The following VWA8 variants were observed in gnomAD, a reference collection of about 807,000 sequenced individuals.
VWA8 encodes the protein von Willebrand factor A domain containing 8.
In VWA8, 221 loss-of-function variants were observed where a neutral mutation model predicts 241.5. The ratio of observed to expected loss-of-function variants is 0.91; its 90% CI spans 0.82 to 1.02. VWA8 has a LOEUF of 1.02. VWA8 is among the 50% of genes least tolerant of loss of function. The pLI is 0.00. For missense variants in VWA8, 2,322 were observed against 2,328.7 expected (o/e 1.00, Z 0.06); for synonymous variants, 852 against 827.1 (o/e 1.03, Z -0.52).
intron 37 of VWA8, among the ~76,000 whole-genome samples, chr13:41,654,540 C>T (rs183969959): frequency 8.5e-5 from 13 of 152,288 alleles, no homozygotes; most frequent in East Asian, 1.9e-4. Flanking sequence ...TTACATTCCT[C>T]GCATGCACAG....
At chr13:41,727,371 A>G in intron 23 of VWA8, 58 bp from the exon 24 acceptor site, 1 of 1,151,902 alleles carries the variant, frequency 8.7e-7, no homozygotes, top group South Asian at 1.7e-5. Flanking sequence ...AAAAATATCA[A>G]GCAACAATCT....
In VWA8 at chr13:41,570,521, A is replaced by C. The variant is rs2044293409; in HGVS notation, c.5556T>G (p.Pro1852=). 1 of 1,614,068 alleles carries C rather than the reference A, an allele frequency of 6.2e-7. No individual in the cohort carries two copies. The highest frequency in any genetic ancestry group is 1.7e-5 in the Admixed American group (1 of 60,006). Residue 1852 remains proline, a synonymous_variant, in exon 44 of 45, where the codon CCT becomes CCG. Transcript: ENST00000379310. ...AKFAQILTRD[P]QVNAFAIFIG... ...TAAAAATGGCAAAAGCATTTACTTG[A>C]GGGTCTCTTGTGAGGATTTGAGCAA... is the stretch of plus-strand genomic sequence containing the variant.
At chr13:41,722,995 AT>A (rs1418045998) in intron 24 of VWA8, among the ~76,000 whole-genome samples, 1 of 152,184 alleles carries the variant, frequency 6.6e-6, no homozygotes, top group African/African-American at 2.4e-5. Flanking sequence ...ATGGGAAGCC[AT>A]GGAGGATTTT....
chr13:41,788,995 GC>G (rs1379461098), intron 17 of VWA8, among the ~76,000 whole-genome samples: 1 of 152,154 alleles, frequency 6.6e-6, no homozygotes, highest in Non-Finnish European at 1.5e-5. Flanking sequence ...ATATTGGCAG[GC>G]ATTGCTTGCT....
chr13:41,631,429 G>A (rs2044726255), intron 37 of VWA8, among the ~76,000 whole-genome samples: 1 of 152,064 alleles, frequency 6.6e-6, no homozygotes, highest in African/African-American at 2.4e-5. Context: ...CAAGGTCTCA[G>A]CTCAGTTAGT....
At chr13:41,744,230 G>A (rs2045587992) in intron 21 of VWA8, among the ~76,000 whole-genome samples, 1 of 152,182 alleles carries the variant, frequency 6.6e-6, no homozygotes, top group African/African-American at 2.4e-5. Context: ...CTTCCTTACA[G>A]ATTTCACCTA....
At chr13:41,722,848 G>A (rs985068136) in intron 24 of VWA8, among the ~76,000 whole-genome samples, 12 of 152,154 alleles carry the variant, frequency 7.9e-5, no homozygotes, top group Non-Finnish European at 1.3e-4. Context: ...AGAGCAGAGT[G>A]GATGGAATAG....
chr13:41,750,083 G>A (rs777333415), intron 21 of VWA8, among the ~76,000 whole-genome samples: 10 of 151,876 alleles, frequency 6.6e-5, no homozygotes, highest in African/African-American at 1.9e-4. Context: ...TTCCTCTTAC[G>A]GATCTGGGCA....
chr13:41,650,418 G>A (rs545504747), intron 37 of VWA8, among the ~76,000 whole-genome samples: 8 of 152,276 alleles, frequency 5.3e-5, no homozygotes, highest in East Asian at 1.9e-4. Flanking sequence ...ACTAACAAGC[G>A]TAGAAACATG....
chr13:41,651,377 TA>T (rs912711320), intron 37 of VWA8, among the ~76,000 whole-genome samples: 4 of 152,166 alleles, frequency 2.6e-5, no homozygotes, highest in African/African-American at 9.7e-5. Flanking sequence ...AGATTCCATT[TA>T]AAAAAATTAT....
chr13:41,643,020 T>A (rs1322570715), intron 37 of VWA8, among the ~76,000 whole-genome samples: 1 of 152,206 alleles, frequency 6.6e-6, no homozygotes, highest in African/African-American at 2.4e-5. Flanking sequence ...TATTAAAAGT[T>A]AGCACATGAC....
chr13:41,607,380 T>G (rs1400388899), intron 39 of VWA8, among the ~76,000 whole-genome samples: 1 of 152,188 alleles, frequency 6.6e-6, no homozygotes, highest in Non-Finnish European at 1.5e-5. Context: ...AAAAGAAATA[T>G]GTGTATAGAA....
rs964511510 is a variant in VWA8 at position 41,700,465 on chromosome 13, T to C, written c.3364+927A>G. Among the ~76,000 whole-genome samples the C allele has an allele frequency of 2.6e-5, 4 of 152,168 alleles. No homozygotes were observed. The South Asian group carries it at 8.3e-4, about 31-fold the overall frequency. On this transcript the variant is annotated intron_variant, in intron 28 of 44. Coordinates refer to ENST00000379310, the MANE Select transcript of VWA8 (RefSeq NM_015058.2). ...TCAGATAGAACCACAGAATTTATAA[T>C]TTATGGATCTTTCATAATGCTTCCA... is the stretch of plus-strand genomic sequence containing the variant.
At chr13:41,690,654 A>G (rs1279904610) in intron 32 of VWA8, among the ~76,000 whole-genome samples, 2 of 152,142 alleles carry the variant, frequency 1.3e-5, no homozygotes, top group African/African-American at 2.4e-5. Context: ...AGATGCCCTC[A>G]CAACTGTAGT....
Position 41,570,694 on chromosome 13 carries a change from G to A in VWA8, c.5383C>T (p.His1795Tyr). 1.9e-6 allele frequency: 3 copies of A among 1,612,764 alleles called. No individual in the cohort carries two copies. Among genetic ancestry groups the A allele is most frequent in the Non-Finnish European group, 2.5e-6 (3 of 1,178,756 alleles). Residue 1795 changes from histidine (H) to tyrosine (Y), a missense_variant, in exon 44 of 45, where the codon CAC (histidine) becomes TAC (tyrosine). Physicochemically the swap from His to Tyr is moderately conservative, Grantham distance 83. Transcript: ENST00000379310. Reference protein sequence around the residue: ...RLEILKTMHAHSQFCMSGDHT... With the variant: ...RLEILKTMHAYSQFCMSGDHT... ...TCCCCACTCATGCAGAACTGAGAGT[G>A]GGCATGCATTGTCTGGAGGTAAAAG...
At chr13:41,928,261 C>T (rs1876942039) in intron 2 of VWA8, among the ~76,000 whole-genome samples, 1 of 152,132 alleles carries the variant, frequency 6.6e-6, no homozygotes, top group African/African-American at 2.4e-5. Flanking sequence ...GCCTAACAGA[C>T]ATATTTGAAA....
At chr13:41,579,029 A>C (rs2044366656) in intron 42 of VWA8, among the ~76,000 whole-genome samples, 1 of 152,234 alleles carries the variant, frequency 6.6e-6, no homozygotes, top group Admixed American at 6.5e-5. Context: ...AATAAGAATG[A>C]TTTATAATGT....
chr13:41,959,659 G>A (rs1268807192), intron 1 of VWA8, among the ~76,000 whole-genome samples: 3 of 123,228 alleles, frequency 2.4e-5, no homozygotes, highest in African/African-American at 8.6e-5. Context: ...CCAGGCCGGA[G>A]TGCAGTGGCT....
chr13:41,860,606 TTAAAA>T (rs2138042325), intron 12 of VWA8, among the ~76,000 whole-genome samples: 1 of 152,286 alleles, frequency 6.6e-6, no homozygotes, highest in Non-Finnish European at 1.5e-5. Context: ...CTGAAAAACA[TTAAAA>T]TAAAATAATG....
Sources: allele counts gnomAD v4.1 joint callset (sites outside exome capture counted in the v4.1 genomes callset), GRCh38; gene constraint gnomAD v4.1.1; transcripts MANE v1.5; gene names NCBI Gene and HGNC (gene_info 2026-07-23, HGNC 2026-07-21).